NHSL1: variants seen among roughly 807,000 people sequenced by gnomAD.
The protein encoded by NHSL1 is NHS-like protein 1.
Under a neutral mutation model 95.0 loss-of-function variants are expected in NHSL1, and 48 were observed. The ratio of observed to expected loss-of-function variants is 0.51; its 90% CI spans 0.40 to 0.64. NHSL1 has a LOEUF of 0.64. Ranked by LOEUF, NHSL1 falls within the 30% of genes least tolerant of loss-of-function variation. The pLI, the probability that NHSL1 is intolerant of heterozygous loss-of-function variation, is 0.00. For synonymous variants in NHSL1, 783 were observed against 833.9 expected (o/e 0.94, Z 1.05); for missense variants, 1,971 against 2,077.7 (o/e 0.95, Z 1.00).
intron 1 of NHSL1, among the ~76,000 whole-genome samples, chr6:138,556,444 T>C (rs1207419097): frequency 6.6e-6 from 1 of 152,052 alleles, no homozygotes; most frequent in East Asian, 1.9e-4. Context: ...TTCTTTTCTC[T>C]GAGCCCCATT....
intron 1 of NHSL1, among the ~76,000 whole-genome samples, chr6:138,525,636 A>T (rs1781874051): frequency 6.6e-6 from 1 of 152,042 alleles, no homozygotes; most frequent in Non-Finnish European, 1.5e-5. Flanking sequence ...GCTAGACTAT[A>T]TAAAATCAGG....
At chr6:138,536,442 A>G (rs1387367986) in intron 1 of NHSL1, among the ~76,000 whole-genome samples, 4 of 152,200 alleles carry the variant, frequency 2.6e-5, no homozygotes, top group African/African-American at 7.2e-5. Context: ...AGCCATCTCT[A>G]TAGGAGCAGT....
intron 2 of NHSL1, among the ~76,000 whole-genome samples, chr6:138,490,177 G>T (rs1202246575): frequency 6.6e-6 from 1 of 151,964 alleles, no homozygotes; most frequent in African/African-American, 2.4e-5. Context: ...CAGAAAAAAA[G>T]ATGAAGAATT....
chr6:138,481,246 T>C (rs974062830), intron 2 of NHSL1, among the ~76,000 whole-genome samples: 5 of 152,172 alleles, frequency 3.3e-5, no homozygotes, highest in African/African-American at 1.2e-4. Context: ...TTAGAGAACT[T>C]ATTTTCTTAA....
upstream of NHSL1, among the ~76,000 whole-genome samples, chr6:138,576,403 T>A (rs1783972969): frequency 6.6e-6 from 1 of 152,236 alleles, no homozygotes; most frequent in African/African-American, 2.4e-5. Flanking sequence ...AAAACCTACA[T>A]TAGACTGCCT....
chr6:138,674,599 T>C (rs189244171), intron 1 of NHSL1, among the ~76,000 whole-genome samples: 1 of 152,200 alleles, frequency 6.6e-6, no homozygotes, highest in African/African-American at 2.4e-5. Context: ...ATTAGTTTGC[T>C]GAGGATAATG....
chr6:138,490,861 T>C (rs1432139217), intron 2 of NHSL1, among the ~76,000 whole-genome samples: 1 of 152,194 alleles, frequency 6.6e-6, no homozygotes, highest in Non-Finnish European at 1.5e-5. Flanking sequence ...ATCTATCTCC[T>C]GACCTCGTGA....
At chr6:138,500,692 C>T (rs1485368660), upstream of NHSL1, among the ~76,000 whole-genome samples, 2 of 152,136 alleles carry the variant, frequency 1.3e-5, no homozygotes, top group Non-Finnish European at 2.9e-5. Flanking sequence ...GATTCCTTCT[C>T]AGGTCTTTTT....
chr6:138,469,619 G>A (rs1347484569), intron 3 of NHSL1, among the ~76,000 whole-genome samples: 2 of 152,116 alleles, frequency 1.3e-5, no homozygotes, highest in Non-Finnish European at 2.9e-5. Context: ...CAGCTACTCG[G>A]GAGGCTGAGG....
Position 138,430,700 on chromosome 6 carries a change from C to A in NHSL1, c.3645G>T (p.Glu1215Asp). The stretch of plus-strand genomic sequence containing the variant: ...GGGCTTCGCTCACGTTCTCTGCGGG[C>A]TCCACTGCAAAATCTTTCTGCGGAG... ...VPPPQKDFAVEPAENVSEALR... is the reference protein window; with the variant it reads ...VPPPQKDFAVDPAENVSEALR... The change falls in exon 6 of 8, where the codon GAG becomes GAT. Residue 1215 changes from glutamate to aspartate, a missense_variant. Glu to Asp is a conservative substitution (Grantham distance 45). Transcript: ENST00000343505. The surrounding 1 kb of genome is among the most constrained non-coding windows in gnomAD (Gnocchi z 4.7). 6.4e-7 allele frequency: 1 copy of A among 1,551,766 alleles called. No homozygotes were observed. Among genetic ancestry groups the A allele is most frequent in the Non-Finnish European group, 8.7e-7 (1 of 1,147,026 alleles).
rs998122856 is a variant in NHSL1 at position 138,432,013 on chromosome 6, C to T, written c.2332G>A (p.Asp778Asn). 1.3e-6 allele frequency: 2 copies of T among 1,551,598 alleles called. No homozygotes were observed. Among genetic ancestry groups the T allele is most frequent in the African/African-American group, 1.4e-5 (1 of 73,062 alleles). Reference protein sequence around the residue: ...DTSSVKSEYTDPWGYYIDYTG... With the variant: ...DTSSVKSEYTNPWGYYIDYTG... The stretch of plus-strand genomic sequence containing the variant: ...TAGTCAATGTAATAACCCCAGGGGT[C>T]CGTGTACTCTGACTTGACGCTGCTT... Residue 778 changes from aspartate (D) to asparagine (N), a missense_variant, in exon 6 of 8, where the codon GAC becomes AAC. By Grantham distance (23) the Asp-to-Asn change is conservative (BLOSUM62 1). Coordinates refer to ENST00000343505, the MANE Select transcript of NHSL1 (RefSeq NM_001144060.2). This position sits in a 1 kb window ranked among gnomAD's most constrained non-coding sequence, Gnocchi z 4.4.
In NHSL1 at chr6:138,423,669, AC is replaced by A; in HGVS notation, c.*411del. ...TAAACGTAATTCTCTGAAAGCAATT[AC>A]CGCCTAGACCAGAGGACTCCGTTAC... On this transcript the variant is annotated 3_prime_UTR_variant, in exon 8 of 8. Coordinates refer to ENST00000343505, the MANE Select transcript of NHSL1 (RefSeq NM_001144060.2). 6.3e-6 allele frequency: 1 copy of A among 158,716 alleles called. No individual in the cohort carries two copies. The highest frequency in any genetic ancestry group is 1.4e-5 in the Non-Finnish European group (1 of 72,792). The allele number at this position is 158,716 out of a possible 1,614,324, so 9.8% of individuals were successfully genotyped here. A position where few individuals can be genotyped will look rare whatever the true frequency, so the allele number is the denominator to read the frequency against.
At chr6:138,437,315 TATATAC>T (rs1322276637) in intron 5 of NHSL1, among the ~76,000 whole-genome samples, 5 of 70,722 alleles carry the variant, frequency 7.1e-5, no homozygotes, top group African/African-American at 1.3e-4. Flanking sequence ...TATATATATA[TATATAC>T]ACACACACAT....
chr6:138,579,447 C>T (rs574764524), intron 1 of NHSL1, among the ~76,000 whole-genome samples: 1 of 152,242 alleles, frequency 6.6e-6, no homozygotes, highest in African/African-American at 2.4e-5. Context: ...AGTATACAAC[C>T]TGAATTAAAG....
intron 1 of NHSL1, among the ~76,000 whole-genome samples, chr6:138,557,091 TA>T (rs1190237435): frequency 6.6e-6 from 1 of 152,176 alleles, no homozygotes; most frequent in African/African-American, 2.4e-5. Flanking sequence ...CAGGAGTGAT[TA>T]AAATGTAATG....
rs1414023954 is a variant in NHSL1, at chr6:138,431,656, A to C, written c.2689T>G (p.Ser897Ala). ...AGAGAAGTGGACGATGAGGAAATGG[A>C]TACTGAAGATATCAGAGAGGACTTC... Reference protein sequence around the residue: ...ERKSSLISSVSISSSSTSLSS... With the variant: ...ERKSSLISSVAISSSSTSLSS... Residue 897 changes from serine to alanine, a missense_variant, in exon 6 of 8, where the codon TCC (serine) becomes GCC (alanine). Physicochemically the swap from Ser to Ala is moderately conservative, Grantham distance 99. Coordinates refer to ENST00000343505, the MANE Select transcript of NHSL1 (RefSeq NM_001144060.2). This position sits in a 1 kb window ranked among gnomAD's most constrained non-coding sequence, Gnocchi z 4.0. 6.4e-7 allele frequency: 1 copy of C among 1,551,526 alleles called. No individual in the cohort carries two copies. Among genetic ancestry groups the C allele is most frequent in the African/African-American group, 1.4e-5 (1 of 73,046 alleles).
At chr6:138,551,634 T>C (rs183331950) in intron 1 of NHSL1, among the ~76,000 whole-genome samples, 37 of 152,346 alleles carry the variant, frequency 2.4e-4, no homozygotes, top group African/African-American at 7.7e-4. Flanking sequence ...TGGGTTTTTC[T>C]ATATATTTAT....
At chr6:138,674,766 G>A (rs536497900) in intron 1 of NHSL1, among the ~76,000 whole-genome samples, 151 of 152,266 alleles carry the variant, frequency 9.9e-4, no homozygotes, top group African/African-American at 3.4e-3. Flanking sequence ...TGTGAACAGT[G>A]CTACAATGAA....
rs535795601 is a variant in NHSL1 at position 138,422,344 on chromosome 6, G to GTT, written c.*1735_*1736dup. 1.8e-3 allele frequency: 271 copies of GTT among 152,266 alleles called. 1 individual carries two copies. The highest frequency in any genetic ancestry group is 6.4e-3 in the African/African-American group (264 of 41,560). 9.4% of individuals were successfully genotyped at this position (152,266 alleles called of 1,614,324 possible). A position where few individuals can be genotyped will look rare whatever the true frequency, so the allele number is the denominator to read the frequency against. On this transcript the variant is annotated 3_prime_UTR_variant, in exon 8 of 8. Coordinates refer to ENST00000343505, the MANE Select transcript of NHSL1 (RefSeq NM_001144060.2). ...GACTTCCGGTTGTGTGAAGAGCAGT[G>GTT]TTTTGTTTTTTTCAGAGAAGGGAAA...
Sources: gnomAD v4.1 joint callset for allele counts (sites outside exome capture counted in the v4.1 genomes callset) on GRCh38, gnomAD v4.1.1 for gene constraint, Gnocchi (gnomAD v3.1) non-coding constraint, MANE v1.5 for transcripts, NCBI Gene and HGNC (gene_info 2026-07-23, HGNC 2026-07-21) for gene names.